The following CLNS1A variants were observed in gnomAD, a reference collection of about 807,000 sequenced individuals.
CLNS1A encodes chloride nucleotide-sensitive channel 1A, also known as methylosome subunit pICln.
In CLNS1A, 16 loss-of-function variants were observed where a neutral mutation model predicts 29.4. The ratio of observed to expected loss-of-function variants is 0.54; its 90% CI spans 0.37 to 0.83. The LOEUF is 0.83. Among genes scored for constraint, CLNS1A ranks in the 40% least tolerant of loss-of-function variants. The probability of loss-of-function intolerance (pLI) is 0.00; values close to 1 mark genes in which losing one functional copy is unlikely to be tolerated. For missense variants in CLNS1A, 235 were observed against 287.4 expected (o/e 0.82, Z 1.32); for synonymous variants, 96 against 104.8 (o/e 0.92, Z 0.51).
At chr11:77,624,010 C>T (rs560606414) in intron 4 of CLNS1A, among the ~76,000 whole-genome samples, 1 of 152,174 alleles carries the variant, frequency 6.6e-6, no homozygotes, top group East Asian at 1.9e-4. Context: ...ATGCCTGTAA[C>T]CCAGCATTCT....
intron 4 of CLNS1A, 37 bp from the exon 5 acceptor site, chr11:77,622,710 A>G: frequency 6.8e-7 from 1 of 1,470,602 alleles, no homozygotes; most frequent in Non-Finnish European, 9.1e-7. Context: ...TAAATACAAC[A>G]ATTAGAAAAA....
At chr11:77,630,316 G>A (rs1565128924) in intron 1 of CLNS1A, among the ~76,000 whole-genome samples, 1 of 152,236 alleles carries the variant, frequency 6.6e-6, no homozygotes, top group African/African-American at 2.4e-5. Context: ...TAACTCTGTG[G>A]TAATGAGTCT....
intron 5 of CLNS1A, 51 bp from the exon 6 acceptor site, chr11:77,619,746 GTAGATTCAAC>G: frequency 7.9e-7 from 1 of 1,259,294 alleles, no homozygotes. Flanking sequence ...CTTCAGACAG[GTAGATTCAAC>G]TTATAACTTC....
At chr11:77,631,432 T>C (rs776153070) in intron 1 of CLNS1A, among the ~76,000 whole-genome samples, 2 of 151,842 alleles carry the variant, frequency 1.3e-5, no homozygotes, top group Non-Finnish European at 2.9e-5. Context: ...GCCATTCTCT[T>C]GCCTCAGCCT....
At position 77,617,428 on chromosome 11, in the gene CLNS1A, GC is replaced by G. The variant is rs1227151398; in HGVS notation, c.*23-734del. Among the ~76,000 whole-genome samples, 5 of 148,020 alleles carry G rather than the reference GC, an allele frequency of 3.4e-5. No individual in the cohort carries two copies. In the East Asian group the frequency reaches 9.9e-4, roughly 29 times the overall value. Reference sequence around the variant, plus strand: ...GTGGTGGTGGGCACCTGTAATCCCAGCTATTCAGGAGGCTGAGGCAGGAGAA... The same window carrying G: ...GTGGTGGTGGGCACCTGTAATCCCAGTATTCAGGAGGCTGAGGCAGGAGAA... On this transcript the variant is annotated intron_variant, in intron 6 of 6. Transcript: ENST00000525428.
intron 4 of CLNS1A, among the ~76,000 whole-genome samples, chr11:77,622,998 T>C (rs555177409): frequency 2.0e-5 from 3 of 146,588 alleles, no homozygotes; most frequent in African/African-American, 7.5e-5. Flanking sequence ...ACTGTCCAAA[T>C]AGGCTTCCAG....
At chr11:77,622,944 T>C (rs953531749) in intron 4 of CLNS1A, among the ~76,000 whole-genome samples, 6 of 138,798 alleles carry the variant, frequency 4.3e-5, no homozygotes, top group African/African-American at 1.3e-4. Flanking sequence ...CAAGACCTTG[T>C]CTTGGAAAAA....
chr11:77,629,689 C>T (rs1959055487), intron 2 of CLNS1A, 74 bp downstream of exon 2: 27 of 1,477,090 alleles, frequency 1.8e-5, no homozygotes, highest in Non-Finnish European at 2.1e-5. Context: ...CCACCGTGCC[C>T]GGCCTCAAAG....
At chr11:77,622,135 T>C (rs1421473844) in intron 5 of CLNS1A, 8 of 456,548 alleles carry the variant, frequency 1.8e-5, no homozygotes. Flanking sequence ...TTCTATTGTT[T>C]GAGCCACCCA....
chr11:77,621,787 T>C (rs560157317), intron 5 of CLNS1A: 8 of 328,012 alleles, frequency 2.4e-5, no homozygotes, highest in African/African-American at 8.6e-5. Flanking sequence ...CTGGTGAAAA[T>C]TGGGTGAAGG....
chr11:77,637,008 CCT>C lies in CLNS1A; in HGVS notation c.125+580_125+581del, dbSNP rs71811429. On this transcript the variant is annotated intron_variant, in intron 1 of 6. Coordinates refer to ENST00000525428, the MANE Select transcript of CLNS1A (RefSeq NM_001293.3). ...GAGTCTGGTCCCTCTGCATATGACC[CCT>C]GTCTGTGTCGAGTTAAGGGTGTTCC... Among the ~76,000 whole-genome samples, 241 of 152,112 alleles carry C rather than the reference CCT, an allele frequency of 1.6e-3. 1 individual carries two copies. Among genetic ancestry groups the C allele is most frequent in the African/African-American group, 5.7e-3 (236 of 41,508 alleles).
chr11:77,617,197 T>C (rs1029658355), intron 6 of CLNS1A, among the ~76,000 whole-genome samples: 4 of 151,614 alleles, frequency 2.6e-5, no homozygotes, highest in Non-Finnish European at 5.9e-5. Context: ...GGAGAAACAC[T>C]GTCTCTACTA....
intron 3 of CLNS1A, 66 bp downstream of exon 3, chr11:77,625,647 ATGTG>A (rs955617743): frequency 1.7e-6 from 2 of 1,155,826 alleles, no homozygotes; most frequent in Non-Finnish European, 2.5e-6. Context: ...GTGTGTGTGT[ATGTG>A]TGTGTGTGTC....
intron 4 of CLNS1A, 40 bp downstream of exon 4, chr11:77,624,923 A>G: frequency 2.2e-6 from 3 of 1,346,798 alleles, no homozygotes; most frequent in South Asian, 2.4e-5. Flanking sequence ...ATGAAACACT[A>G]AACAAACAAA....
chr11:77,618,796 A>C (rs949859932), intron 6 of CLNS1A: 2 of 152,252 alleles, frequency 1.3e-5, no homozygotes, highest in African/African-American at 4.8e-5. Flanking sequence ...AGAAAAGAGA[A>C]GGAATTCTGA....
At chr11:77,637,413 G>A (rs1402398187) in intron 1 of CLNS1A, among the ~76,000 whole-genome samples, 177 bp downstream of exon 1, 1 of 150,810 alleles carries the variant, frequency 6.6e-6, no homozygotes, top group Non-Finnish European at 1.5e-5. Flanking sequence ...AGACTCCGGA[G>A]GAGTACTAGA....
Position 77,625,760 on chromosome 11 carries a change from T to A in CLNS1A, c.321A>T (p.Glu107Asp). Residue 107 changes from glutamate (E) to aspartate (D), a missense_variant, in exon 3 of 7, where the codon GAA (glutamate) becomes GAT (aspartate). By Grantham distance (45) the Glu-to-Asp change is conservative. Coordinates refer to ENST00000525428, the MANE Select transcript of CLNS1A (RefSeq NM_001293.3). The part of the protein sequence containing the change: ...EEEEDSDDDV[E>D]PITEFRFVPS... Reference sequence around the variant, plus strand: ...GCACAAATCTAAATTCAGTAATAGGTTCAACATCATCATCACTGTCTTCCT... The same window carrying A: ...GCACAAATCTAAATTCAGTAATAGGATCAACATCATCATCACTGTCTTCCT... 6.2e-7 allele frequency: 1 copy of A among 1,611,958 alleles called. No individual in the cohort carries two copies. Among genetic ancestry groups the A allele is most frequent in the Non-Finnish European group, 8.5e-7 (1 of 1,178,294 alleles).
intron 4 of CLNS1A, among the ~76,000 whole-genome samples, chr11:77,624,356 G>A (rs1958993567): frequency 6.6e-6 from 1 of 152,164 alleles, no homozygotes; most frequent in Non-Finnish European, 1.5e-5. Flanking sequence ...AGCTGCCTCA[G>A]CTTAAAAGAC....
intron 3 of CLNS1A, 87 bp downstream of exon 3, chr11:77,625,630 G>GGTGT (rs139539521): frequency 2.9e-6 from 3 of 1,024,974 alleles, no homozygotes; most frequent in Non-Finnish European, 4.2e-6. Flanking sequence ...AAAGGTGAGA[G>GGTGT]GTGTGTGTGT....
Sources: allele counts gnomAD v4.1 joint callset (sites outside exome capture counted in the v4.1 genomes callset), GRCh38; gene constraint gnomAD v4.1.1; transcripts MANE v1.5; gene names NCBI Gene and HGNC (gene_info 2026-07-23, HGNC 2026-07-21).